Variants in PBX1 observed in about 807,000 individuals in gnomAD.
The protein encoded by PBX1 is pre-B-cell leukemia transcription factor 1.
PBX1 carries 6 observed loss-of-function variants against 53.4 expected under a neutral mutation model. The ratio of observed to expected loss-of-function variants is 0.11; its 90% CI spans 0.06 to 0.22. PBX1 has a LOEUF of 0.22. Among genes scored for constraint, PBX1 ranks in the 10% least tolerant of loss-of-function variants. PBX1 has a pLI of 1.00. For missense variants in PBX1, 251 were observed against 551.4 expected (o/e 0.46, Z 5.46); for synonymous variants, 204 against 212.3 (o/e 0.96, Z 0.34).
At position 164,706,363 on chromosome 1, in the gene PBX1, G is replaced by A. The variant is rs188435912; in HGVS notation, c.266-86131G>A. 4.6e-5 allele frequency among the ~76,000 whole-genome samples: 7 copies of A among 152,280 alleles called. No homozygotes were observed. In the East Asian group the frequency reaches 1.2e-3, roughly 25 times the overall value. ...CTGATAAGCTGTGCATGAATTATAT[G>A]ATTGGAAAGCAAATCATATTAGAAT... On this transcript the variant is annotated intron_variant, in intron 2 of 8. Transcript: ENST00000420696.
chr1:164,847,059 G>A lies in PBX1; in HGVS notation c.*383G>A. 9.0e-7 allele frequency: 1 copy of A among 1,107,570 alleles called. No homozygotes were observed. Among genetic ancestry groups the A allele is most frequent in the Non-Finnish European group, 1.1e-6 (1 of 903,032 alleles). The allele number at this position is 1,107,570 out of a possible 1,614,324, so 68.6% of individuals were successfully genotyped here. On this transcript the variant is annotated 3_prime_UTR_variant, in exon 9 of 9. Coordinates refer to ENST00000420696, the MANE Select transcript of PBX1 (RefSeq NM_002585.4). Reference sequence around the variant, plus strand: ...AAATTACAAAGAAAATAATAAAAGTGTTTGTACGTTTTCATGCTGGTGGTT... The same window carrying A: ...AAATTACAAAGAAAATAATAAAAGTATTTGTACGTTTTCATGCTGGTGGTT...
intron 2 of PBX1, among the ~76,000 whole-genome samples, chr1:164,781,615 C>G (rs1667938757): frequency 6.6e-6 from 1 of 152,136 alleles, no homozygotes; most frequent in African/African-American, 2.4e-5. Flanking sequence ...ACAGCCACTC[C>G]TCACCACCTA....
At chr1:164,698,926 C>G (rs1571242657) in intron 2 of PBX1, among the ~76,000 whole-genome samples, 1 of 152,176 alleles carries the variant, frequency 6.6e-6, no homozygotes, top group Admixed American at 6.5e-5. Context: ...AACAAGGTCC[C>G]AAGCCAGTAG....
At chr1:164,561,955 T>C (rs1464298051) in intron 1 of PBX1, among the ~76,000 whole-genome samples, 1 of 152,126 alleles carries the variant, frequency 6.6e-6, no homozygotes, top group Non-Finnish European at 1.5e-5. Flanking sequence ...TCCATCTTTT[T>C]TTTTTTCTAC....
intron 2 of PBX1, among the ~76,000 whole-genome samples, chr1:164,571,343 A>G (rs998986281): frequency 6.6e-6 from 1 of 152,234 alleles, no homozygotes; most frequent in East Asian, 1.9e-4. Flanking sequence ...CAATCAGTCC[A>G]TATTTCCCCC....
At chr1:164,823,479 C>T (rs1206330211) in intron 8 of PBX1, among the ~76,000 whole-genome samples, 1 of 151,474 alleles carries the variant, frequency 6.6e-6, no homozygotes, top group East Asian at 2.0e-4. Flanking sequence ...GGGACAAGAA[C>T]CTGGCCATAC....
chr1:164,822,560 G>A (rs1670210913), intron 8 of PBX1, among the ~76,000 whole-genome samples: 1 of 152,204 alleles, frequency 6.6e-6, no homozygotes, highest in African/African-American at 2.4e-5. Context: ...TATAATGTCT[G>A]CAGTGAAGGA....
intron 8 of PBX1, 38 bp downstream of exon 8, chr1:164,821,664 T>G (rs921118398): frequency 6.7e-7 from 1 of 1,503,552 alleles, no homozygotes; most frequent in African/African-American, 1.4e-5. Context: ...GCTTTGTTTT[T>G]ATTCTTTCAC....
At chr1:164,658,580 A>C (rs1235360818) in intron 2 of PBX1, among the ~76,000 whole-genome samples, 1 of 152,220 alleles carries the variant, frequency 6.6e-6, no homozygotes, top group Non-Finnish European at 1.5e-5. Flanking sequence ...ATATAAGTGT[A>C]TACACAGCAT....
intron 2 of PBX1, among the ~76,000 whole-genome samples, chr1:164,675,177 C>A (rs948653770): frequency 6.6e-6 from 1 of 152,096 alleles, no homozygotes; most frequent in African/African-American, 2.4e-5. Context: ...GCCACCAGAT[C>A]TTTTCCCTAG....
chr1:164,701,464 G>A (rs1161806420), intron 2 of PBX1, among the ~76,000 whole-genome samples: 3 of 152,198 alleles, frequency 2.0e-5, no homozygotes, highest in South Asian at 2.1e-4. Flanking sequence ...ATACCCCTGC[G>A]GGTGTGGGTG....
At chr1:164,786,428 G>T (rs1163940057) in intron 2 of PBX1, among the ~76,000 whole-genome samples, 2 of 152,122 alleles carry the variant, frequency 1.3e-5, no homozygotes, top group Non-Finnish European at 2.9e-5. Flanking sequence ...TTTCATGAAG[G>T]ATTTTGAGCT....
intron 2 of PBX1, among the ~76,000 whole-genome samples, chr1:164,607,776 G>T (rs1428419522): frequency 1.3e-5 from 2 of 152,172 alleles, no homozygotes; most frequent in Non-Finnish European, 2.9e-5. Flanking sequence ...TTAAGAACAG[G>T]ATTATCAGAG....
At chr1:164,595,543 A>G (rs1655696190) in intron 2 of PBX1, among the ~76,000 whole-genome samples, 1 of 151,576 alleles carries the variant, frequency 6.6e-6, no homozygotes, top group African/African-American at 2.4e-5. Flanking sequence ...CCATTTATTA[A>G]TCCCCACTTT....
At chr1:164,696,161 C>T (rs1361834980) in intron 2 of PBX1, among the ~76,000 whole-genome samples, 1 of 151,892 alleles carries the variant, frequency 6.6e-6, no homozygotes, top group Non-Finnish European at 1.5e-5. Context: ...GCCGGATGTA[C>T]TAGAGTGTAG....
At chr1:164,856,697 T>C (rs1389339736), downstream of PBX1, among the ~76,000 whole-genome samples, 2 of 152,302 alleles carry the variant, frequency 1.3e-5, no homozygotes, top group South Asian at 2.1e-4. Flanking sequence ...TCTCTATACA[T>C]ATAACTGCTA....
downstream of PBX1, among the ~76,000 whole-genome samples, chr1:164,855,038 C>G (rs555200820): frequency 6.0e-5 from 9 of 150,516 alleles, no homozygotes; most frequent in African/African-American, 1.7e-4. Context: ...GTCTCGACCT[C>G]CCTGAGCTCA....
chr1:164,873,882 A>T (rs1012855677), intron 2 of PBX1, among the ~76,000 whole-genome samples: 13 of 152,104 alleles, frequency 8.5e-5, no homozygotes, highest in African/African-American at 3.1e-4. Context: ...TTACAATAAC[A>T]GCTTAAAAAA....
At chr1:164,808,224 T>C (rs1257107289) in intron 5 of PBX1, among the ~76,000 whole-genome samples, 2 of 152,198 alleles carry the variant, frequency 1.3e-5, no homozygotes, top group African/African-American at 4.8e-5. Flanking sequence ...TGTCACTGAA[T>C]GCCCCCTTCC....
Sources: gnomAD v4.1 joint callset for allele counts (sites outside exome capture counted in the v4.1 genomes callset) on GRCh38, gnomAD v4.1.1 for gene constraint, MANE v1.5 for transcripts, NCBI Gene and HGNC (gene_info 2026-07-23, HGNC 2026-07-21) for gene names.